The following JPH1 variants were observed in gnomAD, a reference collection of about 807,000 sequenced individuals.
The protein encoded by JPH1 is junctophilin-1.
In JPH1, 12 loss-of-function variants were observed where a neutral mutation model predicts 53.6. The ratio of observed to expected loss-of-function variants is 0.22; its 90% confidence interval spans 0.14 to 0.36. JPH1 has a LOEUF of 0.36. Among genes scored for constraint, JPH1 ranks in the 10% least tolerant of loss-of-function variants. The probability of loss-of-function intolerance (pLI) is 1.00; values close to 1 mark genes in which losing one functional copy is unlikely to be tolerated. For missense variants in JPH1, 808 were observed against 905.5 expected, an observed-to-expected ratio of 0.89 and a Z score of 1.38; for synonymous variants, 375 against 363.8, an observed-to-expected ratio of 1.03 and a Z score of -0.35.
intron 4 of JPH1, among the ~76,000 whole-genome samples, chr8:74,242,639 G>A (rs1198725324): frequency 6.6e-6 from 1 of 152,184 alleles, no homozygotes; most frequent in East Asian, 1.9e-4. Context: ...GAGTGGGGAC[G>A]GCAGCGTTCT....
At chr8:74,273,771 G>A (rs79297925) in intron 2 of JPH1, among the ~76,000 whole-genome samples, 3,362 of 152,136 alleles carry the variant, frequency 0.022, 109 homozygotes, top group African/African-American at 0.07. Flanking sequence ...ATAATATAGC[G>A]CATTTTTATT....
rs1201467205 is a variant in JPH1 at position 74,272,995 on chromosome 8, C to T, written c.1140-13492G>A. 2.6e-5 allele frequency among the ~76,000 whole-genome samples: 4 copies of T among 152,268 alleles called. No homozygotes were observed. In the East Asian group the frequency reaches 5.8e-4, roughly 22 times the overall value. ...AGGGTGCTGGCATAATTCCAGAAAA[C>T]AGTTTGTCTATCTTGGCTCTCAAAG... On this transcript the variant is annotated intron_variant, in intron 2 of 5. Coordinates refer to ENST00000342232, the MANE Select transcript of JPH1 (RefSeq NM_020647.4).
At chr8:74,259,753 T>C (rs1174999092) in intron 2 of JPH1, among the ~76,000 whole-genome samples, 1 of 152,230 alleles carries the variant, frequency 6.6e-6, no homozygotes, top group Non-Finnish European at 1.5e-5. Context: ...TCTGTGTAGC[T>C]TGATGCTAAG....
chr8:74,316,531 G>A (rs1231397531), intron 1 of JPH1, among the ~76,000 whole-genome samples: 7 of 152,104 alleles, frequency 4.6e-5, no homozygotes, highest in Admixed American at 1.3e-4. Flanking sequence ...CTATGTTGAC[G>A]GTAAAAAGCT....
chr8:74,275,511 T>C (rs141903014), intron 2 of JPH1, among the ~76,000 whole-genome samples: 1 of 152,366 alleles, frequency 6.6e-6, no homozygotes, highest in East Asian at 1.9e-4. Context: ...TTCTTTTAAG[T>C]AAGAAAATTA....
chr8:74,308,143 C>T (rs6983866), intron 2 of JPH1, among the ~76,000 whole-genome samples: 10,909 of 152,266 alleles, frequency 0.072, 1,327 homozygotes, highest in African/African-American at 0.25. Context: ...TCTGGTATCT[C>T]ACATGTTTTG....
intron 3 of JPH1, among the ~76,000 whole-genome samples, chr8:74,257,997 C>T (rs971414090): frequency 6.6e-6 from 1 of 152,190 alleles, no homozygotes; most frequent in Non-Finnish European, 1.5e-5. Context: ...GGTCATTTCT[C>T]ATTGCTCCAT....
chr8:74,241,656 A>G (rs998206107), intron 4 of JPH1, among the ~76,000 whole-genome samples: 1 of 152,234 alleles, frequency 6.6e-6, no homozygotes. Flanking sequence ...TTCTCTAGCT[A>G]GAAACACAAG....
At chr8:74,309,055 T>A (rs7009182) in intron 2 of JPH1, among the ~76,000 whole-genome samples, 9,502 of 152,240 alleles carry the variant, frequency 0.062, 1,005 homozygotes, top group African/African-American at 0.22. Context: ...CTGAACAGGG[T>A]GCAGAAGAGA....
At chr8:74,284,842 T>C (rs577307259) in intron 2 of JPH1, among the ~76,000 whole-genome samples, 1 of 151,730 alleles carries the variant, frequency 6.6e-6, no homozygotes, top group South Asian at 2.1e-4. Flanking sequence ...TTTTTTTTTT[T>C]CAGACAAAGT....
chr8:74,261,923 C>A (rs575445505), intron 2 of JPH1, among the ~76,000 whole-genome samples: 2 of 152,306 alleles, frequency 1.3e-5, no homozygotes, highest in South Asian at 4.1e-4. Context: ...GTATATCTAC[C>A]ACTTTTTATA....
intron 2 of JPH1, among the ~76,000 whole-genome samples, chr8:74,287,739 AT>A (rs1469587145): frequency 6.6e-6 from 1 of 151,850 alleles, no homozygotes; most frequent in Non-Finnish European, 1.5e-5. Flanking sequence ...GTGACGTGAA[AT>A]TTCCGTCTGA....
intron 2 of JPH1, among the ~76,000 whole-genome samples, chr8:74,279,600 C>G (rs1234432356): frequency 1.3e-5 from 2 of 152,324 alleles, no homozygotes; most frequent in East Asian, 3.9e-4. Context: ...GGCCTTCTAT[C>G]TACCTGTGAT....
At chr8:74,267,141 T>C (rs1002243201) in intron 2 of JPH1, among the ~76,000 whole-genome samples, 45 of 152,326 alleles carry the variant, frequency 3.0e-4, no homozygotes, top group Admixed American at 1.2e-3. Context: ...TTACATGACA[T>C]AGGCATCTGT....
intron 3 of JPH1, among the ~76,000 whole-genome samples, chr8:74,246,541 A>G (rs1196151871): frequency 6.6e-6 from 1 of 152,186 alleles, no homozygotes; most frequent in East Asian, 1.9e-4. Context: ...CCTCACCAAA[A>G]TCTTAGGGAG....
chr8:74,307,470 A>G (rs578044188), intron 2 of JPH1, among the ~76,000 whole-genome samples: 2 of 152,374 alleles, frequency 1.3e-5, no homozygotes, highest in South Asian at 2.1e-4. Flanking sequence ...CAACAGTTGC[A>G]AAGAGTGACA....
At chr8:74,282,297 G>A (rs1416353352) in intron 2 of JPH1, among the ~76,000 whole-genome samples, 2 of 152,052 alleles carry the variant, frequency 1.3e-5, no homozygotes, top group Non-Finnish European at 2.9e-5. Context: ...CTTCCACCAA[G>A]TTTTCCCTAT....
intron 1 of JPH1, among the ~76,000 whole-genome samples, chr8:74,318,971 C>A (rs796550037): frequency 3.0e-4 from 46 of 152,000 alleles, no homozygotes; most frequent in African/African-American, 1.1e-3. Flanking sequence ...TAAGGTTTTT[C>A]TTCCTAACTG....
intron 3 of JPH1, among the ~76,000 whole-genome samples, chr8:74,256,398 G>C (rs1319136317): frequency 6.6e-6 from 1 of 151,794 alleles, no homozygotes; most frequent in Non-Finnish European, 1.5e-5. Flanking sequence ...ATCATGGGGT[G>C]GGGGGAAGGG....
Sources: allele counts gnomAD v4.1 joint callset (sites outside exome capture counted in the v4.1 genomes callset), GRCh38; gene constraint gnomAD v4.1.1; transcripts MANE v1.5; gene names NCBI Gene and HGNC (gene_info 2026-07-23, HGNC 2026-07-21).